The following GRIN2B variants were observed in gnomAD, a reference collection of about 807,000 sequenced individuals.
GRIN2B encodes glutamate ionotropic receptor NMDA type subunit 2B.
Under a neutral mutation model 114.5 loss-of-function variants are expected in GRIN2B, and 5 were observed. The observed-to-expected ratio is 0.04, with a 90% confidence interval of 0.02 to 0.09. The LOEUF (loss-of-function observed/expected upper bound fraction) is 0.09. Among genes scored for constraint, GRIN2B ranks in the 10% least tolerant of loss-of-function variants. The pLI is 1.00. For synonymous variants in GRIN2B, 787 were observed against 745.1 expected (o/e 1.06, Z -0.92); for missense variants, 1,108 against 1,943.5 (o/e 0.57, Z 8.08).
At chr12:13,606,394 T>C (rs2136464328) in intron 10 of GRIN2B, among the ~76,000 whole-genome samples, 1 of 152,234 alleles carries the variant, frequency 6.6e-6, no homozygotes, top group East Asian at 1.9e-4. Context: ...GCCAGACTCT[T>C]TTTAACAATC....
At chr12:13,967,399 C>T (rs554150907) in intron 2 of GRIN2B, among the ~76,000 whole-genome samples, 51 of 152,280 alleles carry the variant, frequency 3.3e-4, no homozygotes, top group African/African-American at 1.1e-3. Flanking sequence ...TGAGCCAAAA[C>T]GCCCAGTTCA....
chr12:13,909,538 A>G (rs1422791114), intron 2 of GRIN2B, among the ~76,000 whole-genome samples: 3 of 152,246 alleles, frequency 2.0e-5, no homozygotes, highest in African/African-American at 7.2e-5. Context: ...AGGGAAAAAT[A>G]TCAACTGGGT....
intron 4 of GRIN2B, among the ~76,000 whole-genome samples, chr12:13,750,497 G>T (rs538827306): frequency 6.6e-6 from 1 of 152,294 alleles, no homozygotes; most frequent in African/African-American, 2.4e-5. Context: ...GAGCTTTAAG[G>T]TAACATTCAC....
At chr12:13,954,850 C>CA (rs1038886734) in intron 2 of GRIN2B, among the ~76,000 whole-genome samples, 2 of 59,174 alleles carry the variant, frequency 3.4e-5, no homozygotes, top group Non-Finnish European at 8.9e-5. Flanking sequence ...TTTGAAGGGA[C>CA]AAAAAAAATC....
At chr12:13,682,227 T>C (rs1377863806) in intron 4 of GRIN2B, among the ~76,000 whole-genome samples, 2 of 152,180 alleles carry the variant, frequency 1.3e-5, no homozygotes, top group African/African-American at 2.4e-5. Context: ...GTCAACAATG[T>C]CCTCTTTTTA....
At chr12:13,869,447 T>C (rs1381528622) in intron 2 of GRIN2B, among the ~76,000 whole-genome samples, 3 of 152,076 alleles carry the variant, frequency 2.0e-5, no homozygotes, top group Non-Finnish European at 4.4e-5. Flanking sequence ...TACCATTAGG[T>C]TGAACCATAT....
intron 3 of GRIN2B, among the ~76,000 whole-genome samples, chr12:13,836,377 A>C (rs1257082037): frequency 2.6e-5 from 4 of 152,184 alleles, no homozygotes; most frequent in Non-Finnish European, 4.4e-5. Context: ...GGAAGAAAAA[A>C]CATTTTATTT....
chr12:13,583,133 A>T (rs572354622), intron 10 of GRIN2B, among the ~76,000 whole-genome samples: 2 of 152,308 alleles, frequency 1.3e-5, no homozygotes, highest in African/African-American at 4.8e-5. Context: ...AAAATATCAC[A>T]TCAGTAGCAC....
chr12:13,916,657 G>A (rs1232894765), intron 2 of GRIN2B, among the ~76,000 whole-genome samples: 1 of 151,190 alleles, frequency 6.6e-6, no homozygotes, highest in Non-Finnish European at 1.5e-5. Flanking sequence ...AGACCAGCCT[G>A]GGCAGCAAAG....
At chr12:13,820,169 C>T (rs1864907446) in intron 3 of GRIN2B, among the ~76,000 whole-genome samples, 1 of 152,186 alleles carries the variant, frequency 6.6e-6, no homozygotes, top group Non-Finnish European at 1.5e-5. Flanking sequence ...TGCTAGCTAA[C>T]TCTCAGAGGC....
At chr12:13,808,210 C>A (rs1195043448) in intron 3 of GRIN2B, among the ~76,000 whole-genome samples, 1 of 152,036 alleles carries the variant, frequency 6.6e-6, no homozygotes, top group African/African-American at 2.4e-5. Flanking sequence ...TGAAGGGGTG[C>A]TAACTGATGG....
Position 13,543,646 on chromosome 12 carries a change from A to G in GRIN2B, c.*19137T>C, listed in dbSNP as rs1239934320. Reference sequence around the variant, plus strand: ...TTATGCCCCCTAGCATGTCTCCTATATTTTTGGTGTCTCCGACATTTTTGT... The same window carrying G: ...TTATGCCCCCTAGCATGTCTCCTATGTTTTTGGTGTCTCCGACATTTTTGT... On this transcript the variant is annotated 3_prime_UTR_variant, in exon 14 of 14. Coordinates refer to ENST00000609686, the MANE Select transcript of GRIN2B (RefSeq NM_000834.5). 6.6e-6 allele frequency: 1 copy of G among 152,016 alleles called. No homozygotes were observed. The highest frequency in any genetic ancestry group is 1.5e-5 in the Non-Finnish European group (1 of 68,000). 9.4% of individuals were successfully genotyped at this position (152,016 alleles called of 1,614,324 possible).
chr12:13,834,017 CTTCTTT>C (rs1865202259), intron 3 of GRIN2B, among the ~76,000 whole-genome samples: 1 of 117,422 alleles, frequency 8.5e-6, no homozygotes, highest in African/African-American at 3.0e-5. Flanking sequence ...TCTTTGCTAA[CTTCTTT>C]TTTTTTTTTT....
chr12:13,970,686 A>AAGACAC (rs1555163301), intron 2 of GRIN2B, among the ~76,000 whole-genome samples: 1 of 145,052 alleles, frequency 6.9e-6, no homozygotes, highest in African/African-American at 2.6e-5. Context: ...GCAGGCTCTA[A>AAGACAC]ACACACACAC....
intron 3 of GRIN2B, among the ~76,000 whole-genome samples, chr12:13,841,353 A>G (rs140446518): frequency 6.6e-6 from 1 of 152,330 alleles, no homozygotes; most frequent in Non-Finnish European, 1.5e-5. Flanking sequence ...AAAGTTGTGT[A>G]GATTCTATTT....
chr12:13,791,463 T>A (rs7313957), intron 3 of GRIN2B, among the ~76,000 whole-genome samples: 24,629 of 143,348 alleles, frequency 0.17, 2,257 homozygotes, highest in Non-Finnish European at 0.21. Context: ...AAAAAAAAAA[T>A]AAAAAAAAAA....
At chr12:13,847,528 G>A (rs998578846) in intron 3 of GRIN2B, among the ~76,000 whole-genome samples, 1 of 152,134 alleles carries the variant, frequency 6.6e-6, no homozygotes, top group Non-Finnish European at 1.5e-5. Flanking sequence ...CTACAGAGGG[G>A]CCTCAGCACT....
intron 10 of GRIN2B, among the ~76,000 whole-genome samples, chr12:13,585,838 T>G (rs1167372993): frequency 1.3e-5 from 2 of 152,162 alleles, no homozygotes; most frequent in African/African-American, 4.8e-5. Flanking sequence ...TCTCTTTTGT[T>G]TTTAATTTAG....
At chr12:13,799,576 C>T (rs1438649125) in intron 3 of GRIN2B, among the ~76,000 whole-genome samples, 1 of 152,132 alleles carries the variant, frequency 6.6e-6, no homozygotes, top group Non-Finnish European at 1.5e-5. Context: ...GTTCCTGCTG[C>T]CGCCACAGAC....
Sources: allele counts gnomAD v4.1 joint callset (sites outside exome capture counted in the v4.1 genomes callset), GRCh38; gene constraint gnomAD v4.1.1; transcripts MANE v1.5; gene names NCBI Gene and HGNC (gene_info 2026-07-23, HGNC 2026-07-21).